NACC1: variants seen among roughly 807,000 people sequenced by gnomAD.
The protein encoded by NACC1 is nucleus accumbens-associated protein 1.
A neutral mutation model predicts 41.7 loss-of-function variants in NACC1; 6 were observed. The ratio of observed to expected loss-of-function variants is 0.14; its 90% CI spans 0.08 to 0.28. The LOEUF (loss-of-function observed/expected upper bound fraction) is 0.28. NACC1 is among the 10% of genes least tolerant of loss of function. NACC1 has a pLI of 1.00. For missense variants in NACC1, 434 were observed against 763.7 expected, an observed-to-expected ratio of 0.57 and a Z score of 5.09; for synonymous variants, 338 against 330.6, an observed-to-expected ratio of 1.02 and a Z score of -0.24.
In NACC1 at chr19:13,135,558, C is replaced by T. The variant is rs368599373; in HGVS notation, c.351C>T (p.Thr117=). The T allele has an allele frequency of 2.1e-5, 33 of 1,609,320 alleles. No homozygotes were observed. The highest frequency in any genetic ancestry group is 1.4e-4 in the South Asian group (13 of 90,470). ...LQIQEIMEKG[T]EFFLKVSSPS... is the part of the protein sequence containing the mutation. ...TCCAGGAGATCATGGAGAAGGGCAC[C>T]GAGTTCTTCCTCAAGGTGAGCTCCC... is the stretch of plus-strand genomic sequence containing the variant. The change falls in exon 2 of 6, where the codon ACC becomes ACT. Residue 117 remains threonine, a synonymous_variant. Coordinates refer to ENST00000292431, the MANE Select transcript of NACC1 (RefSeq NM_052876.4).
intron 1 of NACC1, among the ~76,000 whole-genome samples, chr19:13,124,610 C>G (rs1315013186): frequency 6.6e-6 from 1 of 152,186 alleles, no homozygotes; most frequent in Non-Finnish European, 1.5e-5. Flanking sequence ...AGGGGTCTTT[C>G]TGGTTCTGGG....
Position 13,136,074 on chromosome 19 carries a change from C to T in NACC1, c.867C>T (p.Gly289=), listed in dbSNP as rs761461593. ...HNEEDEEEDG[G]EEGMDEQYRQ... is the part of the protein sequence containing the mutation. Reference sequence around the variant, plus strand: ...AGGAGGACGAGGAGGAGGATGGTGGCGAGGAGGGCATGGATGAGCAGTACC... The same window carrying T: ...AGGAGGACGAGGAGGAGGATGGTGGTGAGGAGGGCATGGATGAGCAGTACC... The change falls in exon 2 of 6, where the codon GGC becomes GGT. Residue 289 remains glycine, a synonymous_variant. Coordinates refer to ENST00000292431, the MANE Select transcript of NACC1 (RefSeq NM_052876.4). The surrounding 1 kb of genome is among the most constrained non-coding windows in gnomAD (Gnocchi z 5.5). 15 of 1,613,944 alleles carry T rather than the reference C, an allele frequency of 9.3e-6. No individual in the cohort carries two copies. Among genetic ancestry groups the T allele is most frequent in the South Asian group, 7.7e-5 (7 of 91,080 alleles).
At chr19:13,135,117 C>T in intron 1 of NACC1, 83 bp from the exon 2 acceptor site, 1 of 1,446,912 alleles carries the variant, frequency 6.9e-7, no homozygotes. Flanking sequence ...TCTTTGGGGC[C>T]AGGGCTAGGC....
chr19:13,130,725 G>A (rs1057279585), intron 1 of NACC1, among the ~76,000 whole-genome samples: 3 of 151,812 alleles, frequency 2.0e-5, no homozygotes, highest in Non-Finnish European at 2.9e-5. Context: ...TAGTAGAGAC[G>A]GGGTTTCACC....
chr19:13,130,351 T>A (rs1021622056), intron 1 of NACC1, among the ~76,000 whole-genome samples: 1 of 152,124 alleles, frequency 6.6e-6, no homozygotes, highest in African/African-American at 2.4e-5. Flanking sequence ...GTGCTGTGAT[T>A]ACAGGCGTGA....
At position 13,137,437 on chromosome 19, in the gene NACC1, C is replaced by T. The variant is rs1195635491; in HGVS notation, c.1227-41C>T. ...GGGTTTCCCCATGTCCCCCCCACCA[C>T]CAACTTGAGCGCTGACTCCCTCCAT... On this transcript the variant is annotated intron_variant, in intron 4 of 5. Coordinates refer to ENST00000292431, the MANE Select transcript of NACC1 (RefSeq NM_052876.4). This position sits in a 1 kb window ranked among gnomAD's most constrained non-coding sequence, Gnocchi z 6.1. The T allele has an allele frequency of 1.9e-6, 3 of 1,611,148 alleles. No individual in the cohort carries two copies. The highest frequency in any genetic ancestry group is 1.3e-5 in the African/African-American group (1 of 74,912).
chr19:13,122,835 G>A (rs1022240367), intron 1 of NACC1, among the ~76,000 whole-genome samples: 3 of 152,152 alleles, frequency 2.0e-5, no homozygotes, highest in Non-Finnish European at 4.4e-5. Context: ...GGGAGTTTGC[G>A]GCCCAGCACG....
chr19:13,126,614 C>T (rs1003843586), intron 1 of NACC1, among the ~76,000 whole-genome samples: 1 of 152,082 alleles, frequency 6.6e-6, no homozygotes, highest in African/African-American at 2.4e-5. Flanking sequence ...CAGGATCCAC[C>T]GGCAGTGTGA....
chr19:13,117,743 A>G (rs1316879586), upstream of NACC1, among the ~76,000 whole-genome samples: 1 of 152,010 alleles, frequency 6.6e-6, no homozygotes, highest in Non-Finnish European at 1.5e-5. Flanking sequence ...TAGTAGAGAC[A>G]GAGTTTCACC....
intron 1 of NACC1, among the ~76,000 whole-genome samples, chr19:13,121,203 C>A (rs1599981025): frequency 6.6e-6 from 1 of 152,152 alleles, no homozygotes; most frequent in Non-Finnish European, 1.5e-5. Context: ...GTGGGTGGTG[C>A]TGGGGCGCAG....
Position 13,136,766 on chromosome 19 carries a change from G to T in NACC1, c.1120+361G>T, listed in dbSNP as rs184128826. Among the ~76,000 whole-genome samples, 4 of 152,294 alleles carry T rather than the reference G, an allele frequency of 2.6e-5. No homozygotes were observed. Among genetic ancestry groups the T allele is most frequent in the African/African-American group, 9.6e-5 (4 of 41,552 alleles). Reference sequence around the variant, plus strand: ...TCCTAGCTACTCAGGAGGCTGAGGTGGGAGGATCCCTTGAGCCCAGGAGGT... The same window carrying T: ...TCCTAGCTACTCAGGAGGCTGAGGTTGGAGGATCCCTTGAGCCCAGGAGGT... On this transcript the variant is annotated intron_variant, in intron 3 of 5. Transcript: ENST00000292431. The surrounding 1 kb of genome is among the most constrained non-coding windows in gnomAD (Gnocchi z 5.5).
chr19:13,123,744 A>T (rs2019528630), intron 1 of NACC1, among the ~76,000 whole-genome samples: 1 of 152,082 alleles, frequency 6.6e-6, no homozygotes, highest in African/African-American at 2.4e-5. Context: ...TGCTTCTCTG[A>T]ACACCAGTTT....
chr19:13,134,405 C>G (rs772567604), intron 1 of NACC1, among the ~76,000 whole-genome samples: 7 of 150,828 alleles, frequency 4.6e-5, no homozygotes, highest in Non-Finnish European at 8.9e-5. Flanking sequence ...CAGTCTTACT[C>G]TATGCCCCAG....
rs145116140 is a variant in NACC1 at position 13,136,164 on chromosome 19, G to A, written c.946+11G>A. On this transcript the variant is annotated intron_variant, in intron 2 of 5. Coordinates refer to ENST00000292431, the MANE Select transcript of NACC1 (RefSeq NM_052876.4). This position sits in a 1 kb window ranked among gnomAD's most constrained non-coding sequence, Gnocchi z 5.5. ...ACGTCGGCCAGACAGGTGAGGTGCC[G>A]TCCTGTCCCCCATCCCACCAGCCAC... The A allele has an allele frequency of 4.2e-4, 672 of 1,605,938 alleles. 4 individuals are homozygous for A. In the African/African-American group the frequency reaches 6.9e-3, roughly 16 times the overall value.
chr19:13,130,570 C>T lies in NACC1; in HGVS notation c.-8-4630C>T, dbSNP rs563688606. Among the ~76,000 whole-genome samples, 448 of 136,104 alleles carry T rather than the reference C, an allele frequency of 3.3e-3. No individual in the cohort carries two copies. The Middle Eastern group carries it at 0.059, about 18-fold the overall frequency. 89.3% of individuals were successfully genotyped at this position (136,104 alleles called of 152,430 possible). A position where few individuals can be genotyped will look rare whatever the true frequency, so the allele number is the denominator to read the frequency against. ...TTTTTTTTTGAGATGGAGTATCACT[C>T]TGTTGCCCAGGCTGGAGTGTAGTGA... On this transcript the variant is annotated intron_variant, in intron 1 of 5. Coordinates refer to ENST00000292431, the MANE Select transcript of NACC1 (RefSeq NM_052876.4).
intron 1 of NACC1, among the ~76,000 whole-genome samples, chr19:13,128,788 T>C (rs1443097635): frequency 1.3e-5 from 2 of 152,086 alleles, no homozygotes; most frequent in Non-Finnish European, 2.9e-5. Flanking sequence ...CTGGCAAATA[T>C]TTATTGAGTA....
chr19:13,129,847 C>G (rs1037087662), intron 1 of NACC1, among the ~76,000 whole-genome samples: 2 of 151,944 alleles, frequency 1.3e-5, no homozygotes, highest in Non-Finnish European at 2.9e-5. Flanking sequence ...ATCCCCGTAA[C>G]CTTTCAGTCT....
Position 13,138,607 on chromosome 19 carries a change from G to A in NACC1, c.*201G>A. On this transcript the variant is annotated 3_prime_UTR_variant, in exon 6 of 6. Coordinates refer to ENST00000292431, the MANE Select transcript of NACC1 (RefSeq NM_052876.4). This position sits in a 1 kb window ranked among gnomAD's most constrained non-coding sequence, Gnocchi z 5.7. ...GAGGACCGCAGGGCAGGTGGCGTGA[G>A]GTCCGTGTTGCCTTCTTTAACACAC... The A allele has an allele frequency of 2.8e-6, 2 of 722,672 alleles. No homozygotes were observed. Among genetic ancestry groups the A allele is most frequent in the Non-Finnish European group, 4.5e-6 (2 of 449,086 alleles). The allele number at this position is 722,672 out of a possible 1,614,324, so 44.8% of individuals were successfully genotyped here. A position where few individuals can be genotyped will look rare whatever the true frequency, so the allele number is the denominator to read the frequency against.
upstream of NACC1, chr19:13,118,105 C>T (rs1006644520): frequency 1.3e-5 from 2 of 152,138 alleles, no homozygotes; most frequent in African/African-American, 4.8e-5. Context: ...GAGGATCCCC[C>T]AGGGGCATAG....
Sources: allele counts gnomAD v4.1 joint callset (sites outside exome capture counted in the v4.1 genomes callset), GRCh38; gene constraint gnomAD v4.1.1; non-coding constraint Gnocchi (gnomAD v3.1); transcripts MANE v1.5; gene names NCBI Gene and HGNC (gene_info 2026-07-23, HGNC 2026-07-21).